Variants in DPH6 observed in about 807,000 individuals in gnomAD.
DPH6 encodes diphthine--ammonia ligase.
Under a neutral mutation model 38.2 loss-of-function variants are expected in DPH6, and 33 were observed. The observed-to-expected ratio is 0.86, with a 90% CI of 0.65 to 1.15. The LOEUF (loss-of-function observed/expected upper bound fraction) is 1.15. DPH6 is among the 50% of genes most tolerant of loss of function. DPH6 has a pLI of 0.00. For missense variants in DPH6, 325 were observed against 320.0 expected, an observed-to-expected ratio of 1.02 and a Z score of -0.12; for synonymous variants, 108 against 103.0, an observed-to-expected ratio of 1.05 and a Z score of -0.30.
At chr15:35,490,206 A>T in intron 3 of DPH6, 1 of 985,126 alleles carries the variant, frequency 1.0e-6, no homozygotes, top group Non-Finnish European at 1.2e-6. Flanking sequence ...TCCTAAAGGA[A>T]GAAAGGAAGG....
At chr15:35,504,657 T>C (rs1345538467) in intron 3 of DPH6, among the ~76,000 whole-genome samples, 3 of 152,148 alleles carry the variant, frequency 2.0e-5, no homozygotes, top group Non-Finnish European at 4.4e-5. Context: ...GATGCAGCTC[T>C]TCTTTAATAT....
intron 3 of DPH6, among the ~76,000 whole-genome samples, chr15:35,324,216 C>T (rs1205747048): frequency 1.3e-5 from 2 of 151,966 alleles, no homozygotes; most frequent in African/African-American, 4.8e-5. Flanking sequence ...AATTCCTCAC[C>T]CTTTATATTA....
At chr15:35,490,291 C>G (rs2054459316) in intron 3 of DPH6, 1 of 579,024 alleles carries the variant, frequency 1.7e-6, no homozygotes, top group Non-Finnish European at 2.2e-6. Context: ...TGTAGTAGAC[C>G]AAATGAATGT....
chr15:35,420,706 G>A (rs1306984098), intron 5 of DPH6, among the ~76,000 whole-genome samples: 3 of 151,838 alleles, frequency 2.0e-5, no homozygotes, highest in Non-Finnish European at 2.9e-5. Flanking sequence ...TAATAGAGAC[G>A]GGGTTTCACC....
At chr15:35,530,211 A>G (rs1418192366) in intron 3 of DPH6, among the ~76,000 whole-genome samples, 1 of 152,220 alleles carries the variant, frequency 6.6e-6, no homozygotes, top group Admixed American at 6.5e-5. Context: ...AGAAGACTAT[A>G]GGACAGAGAC....
chr15:35,457,410 C>T (rs1388593543), intron 3 of DPH6, among the ~76,000 whole-genome samples: 1 of 151,930 alleles, frequency 6.6e-6, no homozygotes, highest in Non-Finnish European at 1.5e-5. Flanking sequence ...TCTTGTGCCT[C>T]AGCCTCCTGA....
chr15:35,348,180 TTTG>T (rs2052478679), intron 3 of DPH6, among the ~76,000 whole-genome samples: 2 of 152,212 alleles, frequency 1.3e-5, no homozygotes, highest in South Asian at 2.1e-4. Context: ...TATGTTTACT[TTTG>T]TTGTCTGTGC....
In DPH6 at chr15:35,241,335, C is replaced by T. The variant is rs999394274; in HGVS notation, n.201-20753G>A. On this transcript the variant is annotated intron_variant and non_coding_transcript_variant, in intron 3 of 3. Transcript: ENST00000560386. ...TCACAGTGGAAGGTTAAGTCCGTCCCGTTCTTAATCAATACGGAGGCTACC... is the reference window on the plus strand; with the variant it reads ...TCACAGTGGAAGGTTAAGTCCGTCCTGTTCTTAATCAATACGGAGGCTACC... 4.9e-5 allele frequency among the ~76,000 whole-genome samples: 7 copies of T among 142,484 alleles called. No homozygotes were observed. The East Asian group carries it at 8.8e-4, about 18-fold the overall frequency. 93.5% of individuals were successfully genotyped at this position (142,484 alleles called of 152,430 possible).
At chr15:35,183,979 A>G in the DPH6 span, among the ~76,000 whole-genome samples, 1 of 152,230 alleles carries the variant, frequency 6.6e-6, no homozygotes, top group African/African-American at 2.4e-5. Flanking sequence ...TGTTAGAGAG[A>G]TGATCATCAG....
intron 1 of DPH6, among the ~76,000 whole-genome samples, chr15:35,543,259 A>AATATATATATATATATAT (rs6145522): frequency 1.8e-5 from 2 of 114,118 alleles, no homozygotes; most frequent in Non-Finnish European, 3.4e-5. Flanking sequence ...ACATACACAT[A>AATATATATATATATATAT]ATATATATAT....
chr15:35,383,034 A>G (rs2052892847), intron 6 of DPH6, among the ~76,000 whole-genome samples: 3 of 152,096 alleles, frequency 2.0e-5, no homozygotes, highest in African/African-American at 7.2e-5. Flanking sequence ...CCTTTCTAAC[A>G]ACTTTCCACC....
chr15:35,227,902 ATTGT>A (rs766556506), intron 3 of DPH6, among the ~76,000 whole-genome samples: 1 of 152,028 alleles, frequency 6.6e-6, no homozygotes, highest in Non-Finnish European at 1.5e-5. Flanking sequence ...TTGTGAGCAT[ATTGT>A]TTAATTTTCA....
At chr15:35,193,105 T>C in the DPH6 span, among the ~76,000 whole-genome samples, 1 of 152,214 alleles carries the variant, frequency 6.6e-6, no homozygotes, top group African/African-American at 2.4e-5. Context: ...AAAATTAATA[T>C]GAATACTAAG....
At chr15:35,298,628 C>T in intron 3 of DPH6, 1 of 985,150 alleles carries the variant, frequency 1.0e-6, no homozygotes, top group South Asian at 1.3e-5. Context: ...GATGATCTTG[C>T]CACCAAGCTT....
intron 3 of DPH6, among the ~76,000 whole-genome samples, chr15:35,337,471 C>T (rs1474930397): frequency 6.6e-6 from 1 of 152,126 alleles, no homozygotes; most frequent in African/African-American, 2.4e-5. Flanking sequence ...ATCCAACTTA[C>T]AAGGGACGTG....
rs143302829 is a variant in DPH6, at chr15:35,487,593, G to A, written c.313-32773C>T. ...TGTTGTGAGGCTGTGCAGAGCAGTG[G>A]GGCAGTAGGCCTGGCCCACAAAACC... On this transcript the variant is annotated intron_variant, in intron 3 of 8. Transcript: ENST00000256538. Among the ~76,000 whole-genome samples the A allele has an allele frequency of 5.7e-3, 873 of 152,356 alleles. 17 individuals are homozygous for A. The highest frequency in any genetic ancestry group is 4.1e-3 in the Non-Finnish European group (280 of 68,024).
chr15:35,194,682 G>A, the DPH6 span, among the ~76,000 whole-genome samples: 1 of 152,168 alleles, frequency 6.6e-6, no homozygotes, highest in African/African-American at 2.4e-5. Flanking sequence ...CAGATCCCAC[G>A]AAAAGTGAGT....
intron 3 of DPH6, among the ~76,000 whole-genome samples, chr15:35,285,872 G>GTTTTTTTTTTTTTTTGTTTTTTTTT (rs2051939211): frequency 1.9e-5 from 1 of 52,792 alleles, no homozygotes; most frequent in Non-Finnish European, 3.3e-5. Context: ...TTATCTTTGA[G>GTTTTTTTTTTTTTTTGTTTTTTTTT]TTTTTTTTTT....
chr15:35,158,889 A>G, the DPH6 span, among the ~76,000 whole-genome samples: 2 of 152,054 alleles, frequency 1.3e-5, no homozygotes, highest in African/African-American at 4.8e-5. Flanking sequence ...CCAACTCTCC[A>G]CCTACTATCT....
Sources: allele counts gnomAD v4.1 joint callset (sites outside exome capture counted in the v4.1 genomes callset), GRCh38; gene constraint gnomAD v4.1.1; transcripts MANE v1.5; gene names NCBI Gene and HGNC (gene_info 2026-07-23, HGNC 2026-07-21).